BRINP3: variants seen among roughly 807,000 people sequenced by gnomAD.
BRINP3 encodes the protein BMP/retinoic acid inducible neural specific 3.
Under a neutral mutation model 71.0 loss-of-function variants are expected in BRINP3, and 19 were observed. The observed-to-expected ratio is 0.27, with a 90% CI of 0.19 to 0.39. BRINP3 has a LOEUF of 0.39. BRINP3 is among the 10% of genes least tolerant of loss of function. The pLI is 1.00. For synonymous variants in BRINP3, 380 were observed against 337.7 expected, an observed-to-expected ratio of 1.13 and a Z score of -1.37; for missense variants, 959 against 940.8, an observed-to-expected ratio of 1.02 and a Z score of -0.25.
chr1:190,192,310 T>A (rs926956691), intron 6 of BRINP3, among the ~76,000 whole-genome samples: 1 of 152,170 alleles, frequency 6.6e-6, no homozygotes, highest in Non-Finnish European at 1.5e-5. Flanking sequence ...TAATTTTAGA[T>A]CAAATCAATC....
At chr1:190,197,122 C>G (rs925573924) in intron 6 of BRINP3, among the ~76,000 whole-genome samples, 3 of 151,892 alleles carry the variant, frequency 2.0e-5, no homozygotes, top group Admixed American at 2.0e-4. Context: ...AGCAAAGGTG[C>G]ATTTTAAATG....
At chr1:190,118,224 AAT>A (rs1571747590) in intron 7 of BRINP3, among the ~76,000 whole-genome samples, 1 of 152,202 alleles carries the variant, frequency 6.6e-6, no homozygotes, top group East Asian at 1.9e-4. Flanking sequence ...CTGCATTTTA[AAT>A]AGAGGTAAGA....
At chr1:190,434,318 C>A (rs900552048) in intron 2 of BRINP3, among the ~76,000 whole-genome samples, 3 of 151,824 alleles carry the variant, frequency 2.0e-5, no homozygotes, top group Middle Eastern at 3.2e-3. Context: ...CCATCTTGGC[C>A]AGGCTGGTCT....
At chr1:190,214,786 T>C (rs957597277) in intron 6 of BRINP3, among the ~76,000 whole-genome samples, 1 of 151,998 alleles carries the variant, frequency 6.6e-6, no homozygotes, top group African/African-American at 2.4e-5. Context: ...TAACTCACGC[T>C]GTAACTCAAG....
intron 2 of BRINP3, among the ~76,000 whole-genome samples, chr1:190,362,853 C>A (rs1726564): frequency 0.36 from 55,075 of 152,030 alleles, 11,021 homozygotes; most frequent in Admixed American, 0.48. Context: ...CATTAAATCT[C>A]TTTTTATTTA....
chr1:190,436,862 G>A (rs1674493932), intron 2 of BRINP3, among the ~76,000 whole-genome samples: 1 of 151,736 alleles, frequency 6.6e-6, no homozygotes. Flanking sequence ...CATATGTTAT[G>A]CACATGTCTT....
At chr1:190,281,939 T>C (rs183601543) in intron 2 of BRINP3, among the ~76,000 whole-genome samples, 189 bp from the exon 3 acceptor site, 4 of 151,900 alleles carry the variant, frequency 2.6e-5, no homozygotes, top group East Asian at 1.9e-4. Flanking sequence ...AACCAAGTCA[T>C]GTAAAGGAAA....
intron 4 of BRINP3, among the ~76,000 whole-genome samples, chr1:190,241,197 TA>T (rs1009733027): frequency 4.6e-5 from 7 of 152,086 alleles, no homozygotes; most frequent in Non-Finnish European, 8.8e-5. Context: ...GAAGAAAATG[TA>T]GAAGAGACAA....
At chr1:190,307,263 T>TG (rs1287671756) in intron 2 of BRINP3, among the ~76,000 whole-genome samples, 11 of 116,578 alleles carry the variant, frequency 9.4e-5, no homozygotes, top group African/African-American at 3.5e-4. Flanking sequence ...ACATTGTTTT[T>TG]TTTTTTTTTT....
chr1:190,396,735 T>A (rs1480235419), intron 2 of BRINP3, among the ~76,000 whole-genome samples: 1 of 144,160 alleles, frequency 6.9e-6, no homozygotes, highest in African/African-American at 2.5e-5. Context: ...TATATATATA[T>A]ATATGTAACT....
intron 4 of BRINP3, among the ~76,000 whole-genome samples, chr1:190,247,606 A>G (rs1659728085): frequency 6.6e-6 from 1 of 151,856 alleles, no homozygotes; most frequent in East Asian, 1.9e-4. Context: ...GTATCCCTTA[A>G]CAAATCTATC....
chr1:190,150,163 T>C (rs1023003346), intron 7 of BRINP3, among the ~76,000 whole-genome samples: 2 of 152,272 alleles, frequency 1.3e-5, no homozygotes, highest in South Asian at 2.1e-4. Flanking sequence ...CTTAATTTAA[T>C]GCTCAAGGAA....
intron 2 of BRINP3, among the ~76,000 whole-genome samples, chr1:190,360,252 C>A (rs1669051203): frequency 6.6e-6 from 1 of 152,150 alleles, no homozygotes; most frequent in African/African-American, 2.4e-5. Context: ...CACTAATGTT[C>A]TCTCTAATTA....
chr1:190,156,616 G>A lies in BRINP3; in HGVS notation c.1184+4052C>T, dbSNP rs531972919. 2.0e-5 allele frequency among the ~76,000 whole-genome samples: 3 copies of A among 151,816 alleles called. No individual in the cohort carries two copies. In the South Asian group the frequency reaches 6.2e-4, roughly 32 times the overall value. On this transcript the variant is annotated intron_variant, in intron 7 of 7. Transcript: ENST00000367462. ...TACATTGGCAGTAAAAGAAAAACGG[G>A]GATGGAAAATATCAAACTTCAATAA...
chr1:190,098,503 G>T lies in BRINP3; in HGVS notation c.1816C>A (p.Gln606Lys), dbSNP rs1053825848. ...WERTKLDLPL[Q>K]CYNWTLTLGN... ...AGAGTTAATGTCCAGTTATAACACT[G>T]CAGGGGTAGGTCCAACTTAGTCCGC... is the stretch of plus-strand genomic sequence containing the variant. Residue 606 changes from glutamine (Q) to lysine (K), a missense_variant, in exon 8 of 8, where the codon CAG (glutamine) becomes AAG (lysine). Coordinates refer to ENST00000367462, the MANE Select transcript of BRINP3 (RefSeq NM_199051.3). 4.3e-6 allele frequency: 7 copies of T among 1,614,002 alleles called. No homozygotes were observed. The African/African-American group carries it at 5.3e-5, about 12-fold the overall frequency.
chr1:190,346,923 G>A (rs1668059786), intron 2 of BRINP3, among the ~76,000 whole-genome samples: 1 of 151,974 alleles, frequency 6.6e-6, no homozygotes, highest in Non-Finnish European at 1.5e-5. Flanking sequence ...TTTTATGGTT[G>A]TTCTCTTAGT....
chr1:190,470,313 T>C (rs1052729791), intron 1 of BRINP3, among the ~76,000 whole-genome samples: 2 of 151,108 alleles, frequency 1.3e-5, no homozygotes, highest in Non-Finnish European at 3.0e-5. Flanking sequence ...CACACCATTA[T>C]GAGAGAATAA....
intron 5 of BRINP3, 102 bp from the exon 6 acceptor site, chr1:190,226,420 T>C: frequency 3.2e-6 from 2 of 619,612 alleles, no homozygotes; most frequent in Non-Finnish European, 5.1e-6. Flanking sequence ...ATTTAGTGTA[T>C]TAAATTTTGA....
At chr1:190,472,812 T>TACACACACACACACACAC (rs67049979) in intron 1 of BRINP3, among the ~76,000 whole-genome samples, 12 of 147,580 alleles carry the variant, frequency 8.1e-5, no homozygotes, top group African/African-American at 3.0e-4. Context: ...TGGTAGAAAT[T>TACACACACACACACACAC]ACACACACAC....
Sources: gnomAD v4.1 joint callset for allele counts (sites outside exome capture counted in the v4.1 genomes callset) on GRCh38, gnomAD v4.1.1 for gene constraint, MANE v1.5 for transcripts, NCBI Gene and HGNC (gene_info 2026-07-23, HGNC 2026-07-21) for gene names.